The following DSC3 variants were observed in gnomAD, a reference collection of about 807,000 sequenced individuals.
The protein encoded by DSC3 is desmocollin 3.
A neutral mutation model predicts 89.5 loss-of-function variants in DSC3; 97 were observed. That is an observed-to-expected ratio of 1.08 (90% confidence interval 0.92 to 1.28). The LOEUF is 1.28. Ranked by LOEUF, DSC3 falls within the 50% of genes most tolerant of loss-of-function variation. DSC3 has a pLI of 0.00. For missense variants in DSC3, 1,199 were observed against 1,085.3 expected, an observed-to-expected ratio of 1.10 and a Z score of -1.47; for synonymous variants, 436 against 384.1, an observed-to-expected ratio of 1.14 and a Z score of -1.58.
intron 9 of DSC3, among the ~76,000 whole-genome samples, chr18:31,016,339 G>C (rs1985236172): frequency 6.6e-6 from 1 of 152,128 alleles, no homozygotes. Context: ...TCTTGCTCTT[G>C]AATTCTTTTC....
At chr18:31,039,815 T>C (rs1262310375) in intron 1 of DSC3, among the ~76,000 whole-genome samples, 3 of 152,154 alleles carry the variant, frequency 2.0e-5, no homozygotes, top group African/African-American at 7.2e-5. Flanking sequence ...ACATCAACAA[T>C]CTCCTTTTAA....
At chr18:31,012,409 A>T (rs778609433) in intron 9 of DSC3, among the ~76,000 whole-genome samples, 1 of 152,178 alleles carries the variant, frequency 6.6e-6, no homozygotes, top group Non-Finnish European at 1.5e-5. Context: ...CCAGAAGGAG[A>T]ACAGCTCAGG....
At chr18:31,008,899 T>A (rs1313692) in intron 9 of DSC3, among the ~76,000 whole-genome samples, 2 of 152,126 alleles carry the variant, frequency 1.3e-5, no homozygotes, top group Non-Finnish European at 2.9e-5. Flanking sequence ...GTATGGGAAG[T>A]TGCCTTTATT....
intron 6 of DSC3, among the ~76,000 whole-genome samples, chr18:31,022,935 T>A (rs1382135586): frequency 6.6e-6 from 1 of 152,192 alleles, no homozygotes; most frequent in Non-Finnish European, 1.5e-5. Context: ...ATATAGATGA[T>A]CAAGTTGACC....
At chr18:31,009,901 G>A (rs1336197911) in intron 9 of DSC3, among the ~76,000 whole-genome samples, 1 of 152,118 alleles carries the variant, frequency 6.6e-6, no homozygotes, top group African/African-American at 2.4e-5. Context: ...CTGCTTAATT[G>A]GCTCACTGAT....
intron 9 of DSC3, among the ~76,000 whole-genome samples, chr18:31,012,723 T>C (rs926420948): frequency 2.0e-5 from 3 of 152,104 alleles, no homozygotes; most frequent in African/African-American, 4.8e-5. Flanking sequence ...AAGAAGGAAA[T>C]AAATTAGTTT....
intron 15 of DSC3, among the ~76,000 whole-genome samples, chr18:30,995,704 G>A (rs1037989916): frequency 1.4e-4 from 22 of 152,108 alleles, no homozygotes; most frequent in African/African-American, 5.1e-4. Context: ...AAGCCAAGTG[G>A]CTCATGCGTA....
In DSC3 at chr18:31,031,125, C is replaced by G; in HGVS notation, c.202G>C (p.Asp68His). Residue 68 changes from aspartate to histidine, a missense_variant, in exon 3 of 16, where the codon GAT becomes CAT. Transcript: ENST00000360428. The stretch of plus-strand genomic sequence containing the variant: ...TCATTTAGAACTCTGAAATCAGGAT[C>G]ACTTGACCGGATGAGGTCTGCAGAC... ...FRSADLIRSS[D>H]PDFRVLNDGS... 6.2e-7 allele frequency: 1 copy of G among 1,613,464 alleles called. No individual in the cohort carries two copies. Among genetic ancestry groups the G allele is most frequent in the Non-Finnish European group, 8.5e-7 (1 of 1,179,824 alleles).
chr18:30,994,618 A>G (rs1198448776), intron 15 of DSC3: 10 of 714,538 alleles, frequency 1.4e-5, no homozygotes, highest in Non-Finnish European at 2.0e-5. Context: ...ATATTTAAGT[A>G]CATTCAAGTT....
chr18:31,035,726 C>T lies in DSC3; in HGVS notation c.70-3450G>A, dbSNP rs1487542170. Among the ~76,000 whole-genome samples the T allele has an allele frequency of 3.3e-5, 5 of 151,964 alleles. 1 individual carries two copies. In the South Asian group the frequency reaches 1.0e-3, roughly 31 times the overall value. The stretch of plus-strand genomic sequence containing the variant: ...CATCTAGATCTTTAAAAAAAATGAA[C>T]ATTTTGCAATTTTTGTTCTATTTTT... On this transcript the variant is annotated intron_variant, in intron 1 of 15. Transcript: ENST00000360428.
chr18:31,025,924 AGAAAAAAAATAT>A lies in DSC3; in HGVS notation c.475-21_475-10del, dbSNP rs749846481. On this transcript the variant is annotated splice_polypyrimidine_tract_variant and intron_variant, in intron 4 of 15. Coordinates refer to ENST00000360428, the MANE Select transcript of DSC3 (RefSeq NM_001941.5). Reference sequence around the variant, plus strand: ...GCTGCATCAGATTCAACCTAAAAGTAGAAAAAAAATATGCAAAAAAATTAAAACTAAATTCAG... The same window carrying A: ...GCTGCATCAGATTCAACCTAAAAGTAGCAAAAAAATTAAAACTAAATTCAG... 1 of 1,609,656 alleles carries A rather than the reference AGAAAAAAAATAT, an allele frequency of 6.2e-7. No homozygotes were observed. Among genetic ancestry groups the A allele is most frequent in the South Asian group, 1.1e-5 (1 of 90,072 alleles).
chr18:31,006,984 T>A lies in DSC3; in HGVS notation c.1811A>T (p.His604Leu), dbSNP rs772568578. The A allele has an allele frequency of 6.2e-7, 1 of 1,613,852 alleles. No individual in the cohort carries two copies. Among genetic ancestry groups the A allele is most frequent in the Non-Finnish European group, 8.5e-7 (1 of 1,179,948 alleles). The change falls in exon 12 of 16, where the codon CAT (histidine) becomes CTT (leucine). Residue 604 changes from histidine (H) to leucine (L), a missense_variant. Coordinates refer to ENST00000360428, the MANE Select transcript of DSC3 (RefSeq NM_001941.5). Reference protein sequence around the residue: ...ILAVDPDEPVHGAPFYFSLPN... With the variant: ...ILAVDPDEPVLGAPFYFSLPN... The stretch of plus-strand genomic sequence containing the variant: ...CAAACTGAAATAAAATGGAGCTCCA[T>A]GGACAGGTTCATCAGGATCAACAGC...
At chr18:31,014,253 T>C (rs1034998250) in intron 9 of DSC3, among the ~76,000 whole-genome samples, 34 of 152,014 alleles carry the variant, frequency 2.2e-4, no homozygotes, top group African/African-American at 6.8e-4. Flanking sequence ...CCAATGTATA[T>C]ATAATGAACT....
chr18:31,032,205 T>C lies in DSC3; in HGVS notation c.141A>G (p.Lys47=), dbSNP rs558484495. The change falls in exon 2 of 16, where the codon AAA becomes AAG. Residue 47 remains lysine (K), a synonymous_variant. Transcript: ENST00000360428. The part of the protein sequence containing the change: ...LNVPSKLEAD[K]IIGRVNLEEC... The stretch of plus-strand genomic sequence containing the variant: ...AAAATTTCTCACCTCTGCCAATTAT[T>C]TTGTCTGCCTCTAGTTTAGAAGGTA... 55 of 1,612,962 alleles carry C rather than the reference T, an allele frequency of 3.4e-5. No individual in the cohort carries two copies. The South Asian group carries it at 5.9e-4, about 17-fold the overall frequency.
At chr18:31,006,267 C>T (rs1257383883) in intron 12 of DSC3, among the ~76,000 whole-genome samples, 1 of 149,882 alleles carries the variant, frequency 6.7e-6, no homozygotes, top group Non-Finnish European at 1.5e-5. Flanking sequence ...AACTACACAT[C>T]TTCTGCTCTC....
intron 9 of DSC3, among the ~76,000 whole-genome samples, chr18:31,014,796 T>C (rs922006149): frequency 3.3e-5 from 5 of 152,120 alleles, no homozygotes; most frequent in African/African-American, 1.2e-4. Context: ...AGGTATGGCA[T>C]GCAGTAATGG....
At chr18:31,035,323 AATATGGACAAAT>A (rs976336553) in intron 1 of DSC3, among the ~76,000 whole-genome samples, 1 of 152,066 alleles carries the variant, frequency 6.6e-6, no homozygotes, top group African/African-American at 2.4e-5. Flanking sequence ...ATATCACAAA[AATATGGACAAAT>A]AGGGCCAACA....
intron 7 of DSC3, among the ~76,000 whole-genome samples, chr18:31,020,069 G>A (rs761251208): frequency 3.9e-5 from 6 of 152,162 alleles, no homozygotes; most frequent in Middle Eastern, 3.2e-3. Context: ...GAAATACTGA[G>A]TTTTGCTTTG....
intron 12 of DSC3, among the ~76,000 whole-genome samples, chr18:31,006,604 G>A (rs1463153745): frequency 6.6e-6 from 1 of 152,054 alleles, no homozygotes; most frequent in Admixed American, 6.6e-5. Context: ...CCAGCCATTG[G>A]CATTATTTTT....
Sources: gnomAD v4.1 joint callset for allele counts (sites outside exome capture counted in the v4.1 genomes callset) on GRCh38, gnomAD v4.1.1 for gene constraint, MANE v1.5 for transcripts, NCBI Gene and HGNC (gene_info 2026-07-23, HGNC 2026-07-21) for gene names.